Variants in NELL1 observed in about 807,000 individuals in gnomAD.
The protein encoded by NELL1 is neural EGFL like 1.
In NELL1, 76 loss-of-function variants were observed where a neutral mutation model predicts 107.4. That is an observed-to-expected ratio of 0.71 (90% CI 0.59 to 0.86). The LOEUF is 0.86. Among genes scored for constraint, NELL1 ranks in the 40% least tolerant of loss-of-function variants. The probability of loss-of-function intolerance (pLI) is 0.00; values close to 1 mark genes in which losing one functional copy is unlikely to be tolerated. For missense variants in NELL1, 1,024 were observed against 1,005.5 expected (o/e 1.02, Z -0.25); for synonymous variants, 353 against 341.2 (o/e 1.03, Z -0.38).
intron 12 of NELL1, among the ~76,000 whole-genome samples, chr11:21,016,056 C>T (rs982290724): frequency 2.0e-5 from 3 of 151,978 alleles, no homozygotes; most frequent in Admixed American, 6.6e-5. Flanking sequence ...CAATGAGAAG[C>T]GACTGCCATT....
chr11:21,359,481 T>G (rs1221449543), intron 14 of NELL1, among the ~76,000 whole-genome samples: 2 of 152,200 alleles, frequency 1.3e-5, no homozygotes, highest in Non-Finnish European at 2.9e-5. Flanking sequence ...TGTTATGTCC[T>G]TTACTGGTTT....
At chr11:21,368,403 T>C (rs1013185940) in intron 14 of NELL1, among the ~76,000 whole-genome samples, 1 of 151,700 alleles carries the variant, frequency 6.6e-6, no homozygotes, top group African/African-American at 2.4e-5. Flanking sequence ...TTAGCCCTTA[T>C]GGAACTATTT....
At chr11:21,329,998 TTA>T (rs1850235494) in intron 14 of NELL1, among the ~76,000 whole-genome samples, 1 of 152,050 alleles carries the variant, frequency 6.6e-6, no homozygotes, top group Non-Finnish European at 1.5e-5. Flanking sequence ...AGAAAATAAA[TTA>T]TATGTTTGTA....
intron 14 of NELL1, among the ~76,000 whole-genome samples, chr11:21,278,055 AAAAG>A (rs1470753042): frequency 6.6e-6 from 1 of 152,170 alleles, no homozygotes; most frequent in African/African-American, 2.4e-5. Context: ...TAATAAAAAA[AAAAG>A]AAAGAAAAAG....
At chr11:21,308,326 A>T (rs546101750) in intron 14 of NELL1, among the ~76,000 whole-genome samples, 2 of 152,174 alleles carry the variant, frequency 1.3e-5, no homozygotes, top group Non-Finnish European at 2.9e-5. Flanking sequence ...TAAGACATCA[A>T]GGAAGCAAGC....
chr11:21,253,179 TACCTATA>T (rs1238696409), intron 14 of NELL1, among the ~76,000 whole-genome samples: 2 of 152,110 alleles, frequency 1.3e-5, no homozygotes, highest in Non-Finnish European at 2.9e-5. Flanking sequence ...GGGAAGGACA[TACCTATA>T]ACCTCTTAAT....
At chr11:20,975,466 T>C (rs1851586049) in intron 12 of NELL1, among the ~76,000 whole-genome samples, 1 of 149,088 alleles carries the variant, frequency 6.7e-6, no homozygotes, top group Admixed American at 6.8e-5. Flanking sequence ...AAAATAGATA[T>C]TTCTTATTCT....
chr11:21,280,375 G>A (rs938147876), intron 14 of NELL1, among the ~76,000 whole-genome samples: 1 of 152,110 alleles, frequency 6.6e-6, no homozygotes, highest in African/African-American at 2.4e-5. Context: ...CAAAAATCAG[G>A]TGAGCATTCA....
intron 9 of NELL1, among the ~76,000 whole-genome samples, chr11:20,930,568 A>AT (rs1199433337): frequency 6.6e-6 from 1 of 151,962 alleles, no homozygotes; most frequent in Non-Finnish European, 1.5e-5. Context: ...ATTTTTGTAT[A>AT]TTTTTGTATT....
At chr11:21,277,497 C>G (rs1372467181) in intron 14 of NELL1, among the ~76,000 whole-genome samples, 1 of 151,822 alleles carries the variant, frequency 6.6e-6, no homozygotes, top group Non-Finnish European at 1.5e-5. Context: ...GTGGCGATTC[C>G]TCAGGGATCT....
chr11:21,444,085 G>A (rs1853358836), intron 15 of NELL1, among the ~76,000 whole-genome samples: 1 of 151,962 alleles, frequency 6.6e-6, no homozygotes, highest in Non-Finnish European at 1.5e-5. Flanking sequence ...CTTCCAGTGT[G>A]TATACATTGA....
intron 3 of NELL1, 61 bp from the exon 4 acceptor site, chr11:20,847,522 T>C (rs1848721194): frequency 1.3e-6 from 2 of 1,531,408 alleles, no homozygotes; most frequent in Admixed American, 1.8e-5. Flanking sequence ...GGTTGAGGGA[T>C]TGATGATGGC....
At chr11:21,440,692 G>A (rs1853261194) in intron 15 of NELL1, among the ~76,000 whole-genome samples, 1 of 152,052 alleles carries the variant, frequency 6.6e-6, no homozygotes, top group Non-Finnish European at 1.5e-5. Context: ...GAGATGTCTT[G>A]GAAGCTGAAG....
At chr11:20,817,537 G>A (rs973626183) in intron 3 of NELL1, among the ~76,000 whole-genome samples, 5 of 151,396 alleles carry the variant, frequency 3.3e-5, no homozygotes, top group Non-Finnish European at 7.4e-5. Context: ...TTTTTTCCTT[G>A]TTAGTGTAGC....
chr11:21,359,259 C>T lies in NELL1; in HGVS notation c.1550-11594C>T, dbSNP rs556374982. Among the ~76,000 whole-genome samples the T allele has an allele frequency of 2.4e-4, 36 of 152,154 alleles. No individual in the cohort carries two copies. The East Asian group carries it at 6.8e-3, about 29-fold the overall frequency. On this transcript the variant is annotated intron_variant, in intron 14 of 19. Transcript: ENST00000357134. ...GATCCTATGATTTTTGCTTTTAATT[C>T]TGTTTATGTGATATATCACATTTAT...
chr11:21,140,965 T>C (rs1855852851), intron 13 of NELL1, among the ~76,000 whole-genome samples: 1 of 152,178 alleles, frequency 6.6e-6, no homozygotes, highest in South Asian at 2.1e-4. Context: ...TTGTGGAAAA[T>C]ACCTGAATGA....
At chr11:20,860,572 T>G (rs1341172603) in intron 4 of NELL1, among the ~76,000 whole-genome samples, 1 of 152,194 alleles carries the variant, frequency 6.6e-6, no homozygotes, top group Non-Finnish European at 1.5e-5. Flanking sequence ...GGCCTGCATG[T>G]GGATGTGTGC....
At chr11:21,293,318 A>C (rs113733153) in intron 14 of NELL1, among the ~76,000 whole-genome samples, 8,213 of 152,288 alleles carry the variant, frequency 0.054, 238 homozygotes, top group East Asian at 0.071. Context: ...GCAGCTAACA[A>C]ACATATGAAA....
intron 13 of NELL1, among the ~76,000 whole-genome samples, chr11:21,182,666 A>G (rs929845003): frequency 2.0e-5 from 3 of 151,706 alleles, no homozygotes; most frequent in African/African-American, 7.3e-5. Flanking sequence ...GGCTAGGGAA[A>G]CAGGAGGAAG....
Sources: allele counts gnomAD v4.1 joint callset (sites outside exome capture counted in the v4.1 genomes callset), GRCh38; gene constraint gnomAD v4.1.1; transcripts MANE v1.5; gene names NCBI Gene and HGNC (gene_info 2026-07-23, HGNC 2026-07-21).